Variants in EDAR observed in about 807,000 individuals in gnomAD.
The protein encoded by EDAR is ectodysplasin A receptor.
A neutral mutation model predicts 51.3 loss-of-function variants in EDAR; 38 were observed. The ratio of observed to expected loss-of-function variants is 0.74; its 90% CI spans 0.57 to 0.97. The LOEUF (loss-of-function observed/expected upper bound fraction) is 0.97, where lower values mean the gene tolerates loss of function less well. EDAR is among the 50% of genes least tolerant of loss of function. The pLI is 0.00. For missense variants in EDAR, 528 were observed against 595.0 expected, an observed-to-expected ratio of 0.89 and a Z score of 1.17; for synonymous variants, 227 against 242.1, an observed-to-expected ratio of 0.94 and a Z score of 0.58.
At position 108,953,117 on chromosome 2, in the gene EDAR, T is replaced by G. The variant is rs577624772; in HGVS notation, c.-18-22085A>C. Among the ~76,000 whole-genome samples, 20 of 152,358 alleles carry G rather than the reference T, an allele frequency of 1.3e-4. No individual in the cohort carries two copies. In the South Asian group the frequency reaches 3.9e-3, roughly 30 times the overall value. ...GTGGGGTATCCATCCCCTCAAGCAT[T>G]TATCCTTTGTGTTACAAATAATCCA... is the stretch of plus-strand genomic sequence containing the variant. On this transcript the variant is annotated intron_variant, in intron 1 of 11. Transcript: ENST00000258443.
At chr2:108,957,238 C>G (rs1337583704) in intron 1 of EDAR, among the ~76,000 whole-genome samples, 1 of 152,254 alleles carries the variant, frequency 6.6e-6, no homozygotes, top group Non-Finnish European at 1.5e-5. Flanking sequence ...TTCTGGTGGG[C>G]TCCCAGGTGG....
At position 108,906,462 on chromosome 2, in the gene EDAR, C is replaced by T. The variant is rs146781925; in HGVS notation, c.964-94G>A. The stretch of plus-strand genomic sequence containing the variant: ...TGTCAGCAGGGGCAGGCAGCAGCTA[C>T]GCCCAACACCAGAGACGCTGCACAC... On this transcript the variant is annotated intron_variant, in intron 10 of 11. Transcript: ENST00000258443. The T allele has an allele frequency of 3.5e-3, 4,568 of 1,298,070 alleles. 21 individuals carry two copies. Among genetic ancestry groups the T allele is most frequent in the South Asian group, 7.0e-3 (583 of 82,854 alleles). The allele number at this position is 1,298,070 out of a possible 1,614,324, so 80.4% of individuals were successfully genotyped here.
Position 108,908,143 on chromosome 2 carries a change from A to T in EDAR, c.804-124T>A, listed in dbSNP as rs192437310. Reference sequence around the variant, plus strand: ...AGTGGGGGGCAATGACTTGTTTTTCAGGTGTTTACTGGGCACCTTGTGGGC... The same window carrying T: ...AGTGGGGGGCAATGACTTGTTTTTCTGGTGTTTACTGGGCACCTTGTGGGC... On this transcript the variant is annotated intron_variant, in intron 9 of 11. Transcript: ENST00000258443. 7.0e-6 allele frequency: 8 copies of T among 1,147,680 alleles called. No individual in the cohort carries two copies. In the Admixed American group the frequency reaches 2.3e-4, roughly 32 times the overall value. 71.1% of individuals were successfully genotyped at this position (1,147,680 alleles called of 1,614,324 possible). A position where few individuals can be genotyped will look rare whatever the true frequency, so the allele number is the denominator to read the frequency against.
chr2:108,970,022 G>A (rs750410162), intron 1 of EDAR, among the ~76,000 whole-genome samples: 19 of 152,226 alleles, frequency 1.2e-4, no homozygotes, highest in Non-Finnish European at 2.1e-4. Flanking sequence ...CTTTGGTGAC[G>A]TCTGAGCCTT....
At chr2:108,930,846 A>G in intron 2 of EDAR, 118 bp downstream of exon 2, 3 of 1,137,076 alleles carry the variant, frequency 2.6e-6, no homozygotes, top group Non-Finnish European at 2.7e-6. Flanking sequence ...CCTCAGAAGA[A>G]CCCTGTGGAG....
chr2:108,922,309 G>A (rs1356965895), intron 5 of EDAR, among the ~76,000 whole-genome samples: 1 of 152,268 alleles, frequency 6.6e-6, no homozygotes, highest in African/African-American at 2.4e-5. Flanking sequence ...TGCGGGCCAT[G>A]GCAGCTGGCT....
At chr2:108,933,955 T>C (rs1697419292) in intron 1 of EDAR, among the ~76,000 whole-genome samples, 1 of 152,118 alleles carries the variant, frequency 6.6e-6, no homozygotes. Flanking sequence ...GGCCAGAGGC[T>C]CTCAGCAGGG....
At chr2:108,972,261 G>C (rs1020178625) in intron 1 of EDAR, among the ~76,000 whole-genome samples, 1 of 152,268 alleles carries the variant, frequency 6.6e-6, no homozygotes, top group Admixed American at 6.5e-5. Flanking sequence ...ACCCCTGTAA[G>C]AGACCAACTT....
At chr2:108,935,197 C>T (rs1307659793) in intron 1 of EDAR, among the ~76,000 whole-genome samples, 1 of 152,178 alleles carries the variant, frequency 6.6e-6, no homozygotes, top group East Asian at 1.9e-4. Flanking sequence ...CTGCCTTTGG[C>T]CCTTCCTTCC....
In EDAR at chr2:108,912,699, G is replaced by C; in HGVS notation, c.508C>G (p.Pro170Ala). 1 of 1,599,398 alleles carries C rather than the reference G, an allele frequency of 6.3e-7. No homozygotes were observed. Among genetic ancestry groups the C allele is most frequent in the Non-Finnish European group, 8.5e-7 (1 of 1,173,376 alleles). ...PGTSGSSTLS[P>A]FQHAHKELSG... ...TCACCTTTGTGGGCGTGCTGGAAGG[G>C]AGACAGGGTGCTGCTGCCCGAGGTG... The change falls in exon 6 of 12, where the codon CCC becomes GCC. Residue 170 changes from proline (P) to alanine (A), a missense_variant. Physicochemically the swap from Pro to Ala is conservative, Grantham distance 27 (BLOSUM62 -1). Transcript: ENST00000258443.
intron 3 of EDAR, 150 bp from the exon 4 acceptor site, chr2:108,929,529 A>C (rs1429229708): frequency 1.2e-5 from 10 of 810,720 alleles, no homozygotes; most frequent in Non-Finnish European, 1.8e-5. Context: ...TAACTGCAAA[A>C]CCCCCCAGGA....
chr2:108,906,245 G>A (rs1032993565), intron 11 of EDAR, 63 bp downstream of exon 11: 182 of 1,583,006 alleles, frequency 1.1e-4, no homozygotes, highest in Non-Finnish European at 1.4e-4. Context: ...TCAGGGCTCC[G>A]GGCCCAGCCC....
chr2:108,948,020 A>G (rs912685643), intron 1 of EDAR, among the ~76,000 whole-genome samples: 39 of 152,246 alleles, frequency 2.6e-4, no homozygotes, highest in Non-Finnish European at 5.7e-4. Context: ...GTGAATGCAC[A>G]TGACTGAATG....
chr2:108,954,678 C>CTT (rs796351382), intron 1 of EDAR, among the ~76,000 whole-genome samples: 1 of 146,828 alleles, frequency 6.8e-6, no homozygotes, highest in Admixed American at 6.8e-5. Context: ...GGAAGATAAT[C>CTT]TTTTTTTTTT....
chr2:108,936,901 T>C (rs1697480398), intron 1 of EDAR, among the ~76,000 whole-genome samples: 1 of 152,232 alleles, frequency 6.6e-6, no homozygotes, highest in Non-Finnish European at 1.5e-5. Context: ...CTGCTGGCCT[T>C]GCCAGCCTGA....
At chr2:108,957,118 T>G (rs1025493132) in intron 1 of EDAR, among the ~76,000 whole-genome samples, 1 of 152,194 alleles carries the variant, frequency 6.6e-6, no homozygotes, top group African/African-American at 2.4e-5. Context: ...CTGTGGGACT[T>G]GCAGTTCTAC....
At chr2:108,965,932 T>C (rs1385313406) in intron 1 of EDAR, among the ~76,000 whole-genome samples, 3 of 152,160 alleles carry the variant, frequency 2.0e-5, no homozygotes, top group African/African-American at 2.4e-5. Flanking sequence ...AACCAGGTAC[T>C]ATCAACGTCA....
In EDAR at chr2:108,953,047, TA is replaced by T. The variant is rs200826700; in HGVS notation, c.-18-22016del. ...GTACATATTTATGTGGTACATGAGATATTTTGATATAGGCATGCAATGCGTA... is the reference window on the plus strand; with the variant it reads ...GTACATATTTATGTGGTACATGAGATTTTTGATATAGGCATGCAATGCGTA... On this transcript the variant is annotated intron_variant, in intron 1 of 11. Coordinates refer to ENST00000258443, the MANE Select transcript of EDAR (RefSeq NM_022336.4). 7.8e-3 allele frequency among the ~76,000 whole-genome samples: 1,191 copies of T among 152,252 alleles called. 9 individuals carry two copies. The highest frequency in any genetic ancestry group is 0.029 in the South Asian group (139 of 4,824).
chr2:108,911,963 C>T (rs950940529), intron 6 of EDAR, among the ~76,000 whole-genome samples: 9 of 152,174 alleles, frequency 5.9e-5, no homozygotes, highest in African/African-American at 1.2e-4. Context: ...TAATATTCTC[C>T]GTGTTTTGAG....
Sources: allele counts gnomAD v4.1 joint callset (sites outside exome capture counted in the v4.1 genomes callset), GRCh38; gene constraint gnomAD v4.1.1; transcripts MANE v1.5; gene names NCBI Gene and HGNC (gene_info 2026-07-23, HGNC 2026-07-21).